Variants in ERC2 observed in about 807,000 individuals in gnomAD.
The protein encoded by ERC2 is ERC protein 2.
Under a neutral mutation model 114.8 loss-of-function variants are expected in ERC2, and 42 were observed. The ratio of observed to expected loss-of-function variants is 0.37; its 90% CI spans 0.29 to 0.47. ERC2 has a LOEUF of 0.47. Among genes scored for constraint, ERC2 ranks in the 20% least tolerant of loss-of-function variants. The pLI, the probability that ERC2 is intolerant of heterozygous loss-of-function variation, is 0.99. For synonymous variants in ERC2, 454 were observed against 425.5 expected (o/e 1.07, Z -0.82); for missense variants, 939 against 1,150.7 (o/e 0.82, Z 2.66).
At chr3:56,453,090 T>C (rs974344924) in intron 1 of ERC2, among the ~76,000 whole-genome samples, 1 of 152,214 alleles carries the variant, frequency 6.6e-6, no homozygotes. Flanking sequence ...ATGCATTAAA[T>C]TGCATCATGT....
intron 14 of ERC2, among the ~76,000 whole-genome samples, chr3:55,804,511 T>A (rs2059420423): frequency 6.6e-6 from 1 of 152,158 alleles, no homozygotes. Context: ...CAACTAGGTA[T>A]CCCTGTTTTA....
At chr3:56,151,946 C>CA (rs2081434542) in intron 4 of ERC2, among the ~76,000 whole-genome samples, 1 of 152,210 alleles carries the variant, frequency 6.6e-6, no homozygotes, top group South Asian at 2.1e-4. Flanking sequence ...TTCATCTGAA[C>CA]ATTTTTACAA....
chr3:55,580,053 A>G (rs1343625026), intron 17 of ERC2, among the ~76,000 whole-genome samples: 1 of 152,252 alleles, frequency 6.6e-6, no homozygotes, highest in East Asian at 1.9e-4. Context: ...AGGTGATATG[A>G]TAGTTTGGGA....
rs1248520763 is a variant in ERC2 at position 56,438,729 on chromosome 3, A to G, written c.-140-3582T>C. 6.6e-5 allele frequency among the ~76,000 whole-genome samples: 10 copies of G among 152,168 alleles called. No homozygotes were observed. In the East Asian group the frequency reaches 1.9e-3, roughly 29 times the overall value. Reference sequence around the variant, plus strand: ...GTCTTCCTCTGTCTGCTCCCTTTGTATCTAGAGATACACATTTCTGAGGTC... The same window carrying G: ...GTCTTCCTCTGTCTGCTCCCTTTGTGTCTAGAGATACACATTTCTGAGGTC... On this transcript the variant is annotated intron_variant, in intron 1 of 17. Transcript: ENST00000288221.
At chr3:55,755,511 A>T (rs904659462) in intron 14 of ERC2, among the ~76,000 whole-genome samples, 2 of 152,216 alleles carry the variant, frequency 1.3e-5, no homozygotes, top group East Asian at 3.8e-4. Flanking sequence ...TAAAGTAGAC[A>T]TGTAATCTTC....
At chr3:55,695,013 T>C (rs2062855322) in intron 16 of ERC2, among the ~76,000 whole-genome samples, 1 of 152,176 alleles carries the variant, frequency 6.6e-6, no homozygotes, top group African/African-American at 2.4e-5. Flanking sequence ...GTAAAACTTG[T>C]ATGATGCCTA....
chr3:56,366,232 C>T (rs2059145985), intron 2 of ERC2, among the ~76,000 whole-genome samples: 1 of 152,232 alleles, frequency 6.6e-6, no homozygotes, highest in Non-Finnish European at 1.5e-5. Flanking sequence ...CTCTTTTTCA[C>T]TGTAAGAAGT....
At chr3:55,768,059 C>A (rs911154292) in intron 14 of ERC2, among the ~76,000 whole-genome samples, 1 of 152,182 alleles carries the variant, frequency 6.6e-6, no homozygotes, top group Non-Finnish European at 1.5e-5. Context: ...TCTCTTCCTC[C>A]TTTTTCTGGC....
chr3:56,383,126 A>C (rs890030247), intron 2 of ERC2, among the ~76,000 whole-genome samples: 2 of 151,922 alleles, frequency 1.3e-5, no homozygotes, highest in African/African-American at 2.4e-5. Flanking sequence ...CACTGCTCCT[A>C]TCCTGGTGCA....
chr3:56,198,260 C>A (rs746442164), intron 3 of ERC2, among the ~76,000 whole-genome samples: 11 of 152,218 alleles, frequency 7.2e-5, no homozygotes, highest in Non-Finnish European at 1.3e-4. Flanking sequence ...AAATTCCTCA[C>A]AACCTGTGCA....
intron 14 of ERC2, among the ~76,000 whole-genome samples, chr3:55,877,508 A>C (rs59126635): frequency 0.04 from 5,665 of 141,514 alleles, 317 homozygotes; most frequent in African/African-American, 0.13. Context: ...TTTAATTTTT[A>C]TTTTTTCTTT....
intron 17 of ERC2, among the ~76,000 whole-genome samples, chr3:55,581,560 G>A (rs2057262976): frequency 6.6e-6 from 1 of 152,126 alleles, no homozygotes; most frequent in Non-Finnish European, 1.5e-5. Context: ...TTTCCAGGTG[G>A]AAATGGTGCT....
chr3:56,371,305 G>A (rs1435587900), intron 2 of ERC2, among the ~76,000 whole-genome samples: 1 of 152,070 alleles, frequency 6.6e-6, no homozygotes, highest in African/African-American at 2.4e-5. Flanking sequence ...TCCAACTCAG[G>A]GCCTAGAAAA....
intron 17 of ERC2, among the ~76,000 whole-genome samples, chr3:55,545,419 C>T (rs1351019848): frequency 6.6e-6 from 1 of 152,212 alleles, no homozygotes; most frequent in African/African-American, 2.4e-5. Context: ...TGCATTTCTG[C>T]AGAGCGGCGG....
At chr3:56,158,675 T>C (rs910923384) in intron 4 of ERC2, among the ~76,000 whole-genome samples, 9 of 152,034 alleles carry the variant, frequency 5.9e-5, no homozygotes, top group Non-Finnish European at 1.0e-4. Flanking sequence ...AGCAAAATTC[T>C]CAATTTCCAT....
intron 4 of ERC2, among the ~76,000 whole-genome samples, chr3:56,154,566 G>GC (rs1379392597): frequency 6.6e-6 from 1 of 152,082 alleles, no homozygotes; most frequent in Non-Finnish European, 1.5e-5. Context: ...AGTGGTTCTT[G>GC]CTTGACACTG....
chr3:55,584,325 G>A (rs966088809), intron 17 of ERC2, among the ~76,000 whole-genome samples: 1 of 152,226 alleles, frequency 6.6e-6, no homozygotes. Flanking sequence ...GCTTTAATAA[G>A]GACTTAAAGT....
chr3:56,374,554 G>A (rs767851934), intron 2 of ERC2, among the ~76,000 whole-genome samples: 1 of 152,072 alleles, frequency 6.6e-6, no homozygotes, highest in Non-Finnish European at 1.5e-5. Context: ...CTTAAAGATG[G>A]GTTCCATCAT....
chr3:56,349,393 C>T (rs180989616), intron 2 of ERC2, among the ~76,000 whole-genome samples: 7 of 152,212 alleles, frequency 4.6e-5, no homozygotes, highest in African/African-American at 1.4e-4. Context: ...TACAATTACC[C>T]AATCTCTAAG....
Sources: gnomAD v4.1 joint callset for allele counts (sites outside exome capture counted in the v4.1 genomes callset) on GRCh38, gnomAD v4.1.1 for gene constraint, MANE v1.5 for transcripts, NCBI Gene and HGNC (gene_info 2026-07-23, HGNC 2026-07-21) for gene names.